Variants in POLA2 observed in about 807,000 individuals in gnomAD.
POLA2 encodes the protein DNA polymerase alpha 2, accessory subunit.
Under a neutral mutation model 82.8 loss-of-function variants are expected in POLA2, and 47 were observed. The ratio of observed to expected loss-of-function variants is 0.57; its 90% CI spans 0.45 to 0.72. The LOEUF (loss-of-function observed/expected upper bound fraction) is 0.72. POLA2 is among the 30% of genes least tolerant of loss of function. The pLI is 0.00. For synonymous variants in POLA2, 287 were observed against 286.8 expected, an observed-to-expected ratio of 1.00 and a Z score of -0.01; for missense variants, 634 against 728.1, an observed-to-expected ratio of 0.87 and a Z score of 1.49.
intron 5 of POLA2, 84 bp downstream of exon 5, chr11:65,276,082 G>C: frequency 1.4e-6 from 1 of 695,254 alleles, no homozygotes; most frequent in Admixed American, 3.1e-5. Context: ...TAACAGCAGA[G>C]TTATTAATTA....
chr11:65,288,512 G>GTTTTTTTTTTTTTTT (rs572913995), intron 11 of POLA2, among the ~76,000 whole-genome samples: 1 of 119,948 alleles, frequency 8.3e-6, no homozygotes, highest in African/African-American at 3.2e-5. Flanking sequence ...TTTGTTTTTT[G>GTTTTTTTTTTTTTTT]TTTTTTTTTT....
intron 10 of POLA2, among the ~76,000 whole-genome samples, chr11:65,286,836 C>G (rs1394251747): frequency 2.0e-5 from 3 of 152,078 alleles, no homozygotes; most frequent in Non-Finnish European, 2.9e-5. Context: ...AACAAGAAAG[C>G]AGGAATTTAT....
At chr11:65,300,588 TTTG>T (rs1949854480), downstream of POLA2, among the ~76,000 whole-genome samples, 1 of 151,132 alleles carries the variant, frequency 6.6e-6, no homozygotes, top group Non-Finnish European at 1.5e-5. Context: ...TGTTTGTTTT[TTTG>T]TTTGTTTCTG....
At chr11:65,283,266 T>C (rs896599861) in intron 10 of POLA2, among the ~76,000 whole-genome samples, 1 of 152,212 alleles carries the variant, frequency 6.6e-6, no homozygotes, top group Non-Finnish European at 1.5e-5. Context: ...TTTTTATTTT[T>C]CTGGCTCTAA....
At chr11:65,267,711 G>A (rs1038501525) in intron 3 of POLA2, 143 bp downstream of exon 3, 5 of 508,174 alleles carry the variant, frequency 9.8e-6, no homozygotes, top group South Asian at 5.5e-5. Flanking sequence ...TTTGGAGGCC[G>A]AGGCAAGCAG....
downstream of POLA2, among the ~76,000 whole-genome samples, chr11:65,302,520 G>A (rs1389987237): frequency 1.3e-5 from 2 of 152,084 alleles, no homozygotes; most frequent in South Asian, 2.1e-4. Context: ...GCGAATAGGG[G>A]GAAAAGGCAT....
At chr11:65,292,340 C>T (rs937861760) in intron 13 of POLA2, among the ~76,000 whole-genome samples, 1 of 152,230 alleles carries the variant, frequency 6.6e-6, no homozygotes, top group Non-Finnish European at 1.5e-5. Flanking sequence ...CCCGCTGTGA[C>T]GTACGAGGTT....
chr11:65,273,442 G>T (rs1949543314), intron 4 of POLA2, among the ~76,000 whole-genome samples: 1 of 152,182 alleles, frequency 6.6e-6, no homozygotes. Flanking sequence ...GAACACTATT[G>T]GATTTCAGCC....
intron 5 of POLA2, among the ~76,000 whole-genome samples, chr11:65,277,233 A>C (rs192993758): frequency 1.4e-5 from 2 of 145,304 alleles, no homozygotes; most frequent in African/African-American, 5.2e-5. Flanking sequence ...GCTGGAGTGC[A>C]GTGGCACAAC....
chr11:65,265,085 T>C (rs1474360944), intron 1 of POLA2, among the ~76,000 whole-genome samples: 2 of 152,114 alleles, frequency 1.3e-5, no homozygotes, highest in Non-Finnish European at 2.9e-5. Context: ...AAAAATTAGC[T>C]GGGCATGGTG....
intron 1 of POLA2, among the ~76,000 whole-genome samples, chr11:65,263,414 G>C (rs1949422969): frequency 6.6e-6 from 1 of 151,888 alleles, no homozygotes; most frequent in South Asian, 2.1e-4. Context: ...AGTAGAGAAG[G>C]GGTTTCACCA....
intron 1 of POLA2, 45 bp from the exon 2 acceptor site, chr11:65,266,537 G>A (rs1015702212): frequency 2.5e-6 from 4 of 1,606,986 alleles, no homozygotes; most frequent in Non-Finnish European, 3.4e-6. Context: ...GTGAAACTTC[G>A]AGAAATGAAC....
At chr11:65,303,052 G>T (rs993373331), downstream of POLA2, among the ~76,000 whole-genome samples, 2 of 152,152 alleles carry the variant, frequency 1.3e-5, no homozygotes, top group Admixed American at 1.3e-4. Context: ...TACTTTAAAA[G>T]AAGGTGGGGG....
rs777896646 is a variant in POLA2, at chr11:65,262,331, G to C, written c.39G>C (p.Gln13His). The C allele has an allele frequency of 1.2e-6, 2 of 1,613,840 alleles. No individual in the cohort carries two copies. Among genetic ancestry groups the C allele is most frequent in the East Asian group, 2.2e-5 (1 of 44,888 alleles). ...ASAQQLAEEL[Q>H]IFGLDCEEAL... is the part of the protein sequence containing the mutation. ...CCCAGCAGCTGGCGGAGGAGCTGCA[G>C]ATCTTCGGCCTAGACTGCGAGGAGG... The change falls in exon 1 of 18, where the codon CAG (glutamine) becomes CAC (histidine). Residue 13 changes from glutamine to histidine, a missense_variant. Coordinates refer to ENST00000265465, the MANE Select transcript of POLA2 (RefSeq NM_002689.4).
chr11:65,303,081 G>A (rs537058425), downstream of POLA2, among the ~76,000 whole-genome samples: 25 of 152,194 alleles, frequency 1.6e-4, no homozygotes, highest in Admixed American at 6.5e-4. Flanking sequence ...GGTGGCTGAC[G>A]CCTGTAATCC....
chr11:65,279,663 T>TA, intron 7 of POLA2, 37 bp downstream of exon 7: 5 of 1,419,000 alleles, frequency 3.5e-6, no homozygotes, highest in Non-Finnish European at 4.9e-6. Context: ...TAATTAATAT[T>TA]ACGTTTTTAA....
Position 65,267,487 on chromosome 11 carries a change from A to C in POLA2, c.215A>C (p.Lys72Thr). 6.2e-7 allele frequency: 1 copy of C among 1,609,114 alleles called. No homozygotes were observed. The change falls in exon 3 of 18, where the codon AAA becomes ACA. Residue 72 changes from lysine to threonine, a missense_variant. Coordinates refer to ENST00000265465, the MANE Select transcript of POLA2 (RefSeq NM_002689.4). The part of the protein sequence containing the change: ...LNSFEHEFLS[K>T]RLSKARHSTC... ...TCTTTTCTTTTTCAGTTTCTGAGCA[A>C]AAGATTATCGAAAGCCAGGCATAGT...
At chr11:65,303,324 G>A (rs1359336779), downstream of POLA2, among the ~76,000 whole-genome samples, 10 of 147,842 alleles carry the variant, frequency 6.8e-5, no homozygotes, top group Admixed American at 2.0e-4. Context: ...CCTGGGCAAC[G>A]GAGTGAGACT....
At chr11:65,265,388 CTTGAA>C (rs1477955481) in intron 1 of POLA2, among the ~76,000 whole-genome samples, 2 of 152,196 alleles carry the variant, frequency 1.3e-5, no homozygotes, top group African/African-American at 2.4e-5. Flanking sequence ...CAGTCCTCAT[CTTGAA>C]TTGAATTAGC....
Sources: allele counts gnomAD v4.1 joint callset (sites outside exome capture counted in the v4.1 genomes callset), GRCh38; gene constraint gnomAD v4.1.1; transcripts MANE v1.5; gene names NCBI Gene and HGNC (gene_info 2026-07-23, HGNC 2026-07-21).